EDN1: variants seen among roughly 807,000 people sequenced by gnomAD.
EDN1 encodes the protein endothelin 1.
In EDN1, 11 loss-of-function variants were observed where a neutral mutation model predicts 21.7. The ratio of observed to expected loss-of-function variants is 0.51; its 90% CI spans 0.32 to 0.84. The LOEUF (loss-of-function observed/expected upper bound fraction) is 0.84. Among genes scored for constraint, EDN1 ranks in the 40% least tolerant of loss-of-function variants. The pLI is 0.03. For synonymous variants in EDN1, 85 were observed against 90.6 expected (o/e 0.94, Z 0.35); for missense variants, 244 against 262.3 (o/e 0.93, Z 0.48).
Position 12,292,339 on chromosome 6 carries a change from A to T in EDN1, c.65-2A>T. The T allele has an allele frequency of 6.2e-7, 1 of 1,613,670 alleles. No individual in the cohort carries two copies. Among genetic ancestry groups the T allele is most frequent in the Non-Finnish European group, 8.5e-7 (1 of 1,179,930 alleles). Reference sequence around the variant, plus strand: ...CCACTGACCTGCTCTTTCTCTCCCCAGCAGTCTTAGGCGCTGAGCTCAGCG... The same window carrying T: ...CCACTGACCTGCTCTTTCTCTCCCCTGCAGTCTTAGGCGCTGAGCTCAGCG... On this transcript the variant is annotated splice_acceptor_variant, in intron 1 of 4. Transcript: ENST00000379375. LOFTEE classifies it high-confidence loss of function.
upstream of EDN1, among the ~76,000 whole-genome samples, chr6:12,290,197 T>C (rs1400092156): frequency 6.6e-6 from 1 of 152,222 alleles, no homozygotes; most frequent in Non-Finnish European, 1.5e-5. Flanking sequence ...CCTCTGAAGT[T>C]AGCAGTGATT....
At chr6:12,291,430 G>C (rs1762679542) in intron 1 of EDN1, among the ~76,000 whole-genome samples, 1 of 152,180 alleles carries the variant, frequency 6.6e-6, no homozygotes, top group Non-Finnish European at 1.5e-5. Context: ...GTGTGCATCT[G>C]CCCGGGTCCC....
chr6:12,267,988 G>A, the EDN1 span, among the ~76,000 whole-genome samples: 771 of 152,260 alleles, frequency 5.1e-3, 8 homozygotes, highest in African/African-American at 0.018. Flanking sequence ...CTGGATGACA[G>A]TACATCTATT....
the EDN1 span, among the ~76,000 whole-genome samples, chr6:12,272,538 A>G: frequency 3.4e-5 from 5 of 148,296 alleles, no homozygotes; most frequent in African/African-American, 1.3e-4. Flanking sequence ...GTTCACTGCA[A>G]CCTGCACCTC....
At chr6:12,233,655 C>T in the EDN1 span, among the ~76,000 whole-genome samples, 37,595 of 152,038 alleles carry the variant, frequency 0.25, 5,111 homozygotes, top group Non-Finnish European at 0.31. Context: ...GCCAACTCAC[C>T]AAGACCCAGT....
At chr6:12,281,049 A>G in the EDN1 span, among the ~76,000 whole-genome samples, 2 of 152,230 alleles carry the variant, frequency 1.3e-5, no homozygotes, top group African/African-American at 4.8e-5. Context: ...TCATAGCTCA[A>G]GTCTGGCAAT....
At chr6:12,256,941 C>G in the EDN1 span, among the ~76,000 whole-genome samples, 1 of 152,052 alleles carries the variant, frequency 6.6e-6, no homozygotes, top group Non-Finnish European at 1.5e-5. Flanking sequence ...GTATTAAAGG[C>G]AGAATAGCAC....
chr6:12,296,064 G>A lies in EDN1; in HGVS notation c.636G>A (p.Trp212Ter), dbSNP rs745611684. 5.6e-6 allele frequency: 9 copies of A among 1,613,880 alleles called. No individual in the cohort carries two copies. The highest frequency in any genetic ancestry group is 7.6e-6 in the Non-Finnish European group (9 of 1,179,824). ...ERYVTHNRAHW is the reference protein window; with the variant it reads ...ERYVTHNRAH ...ATGTGACCCACAACCGAGCACATTG[G>A]TGACAGACCTTCGGGGCCTGTCTGA... The change falls in exon 5 of 5, where the codon TGG (tryptophan) becomes TGA (stop). Residue 212 changes from tryptophan (W) to a stop codon, truncating the protein, a stop_gained. Coordinates refer to ENST00000379375, the MANE Select transcript of EDN1 (RefSeq NM_001955.5). LOFTEE classifies it high-confidence loss of function.
chr6:12,283,083 C>G, the EDN1 span, among the ~76,000 whole-genome samples: 2 of 152,198 alleles, frequency 1.3e-5, no homozygotes, highest in Non-Finnish European at 2.9e-5. Flanking sequence ...AGTGCAAAAG[C>G]CAAATCAAAC....
At chr6:12,255,291 AG>A in the EDN1 span, among the ~76,000 whole-genome samples, 1 of 152,242 alleles carries the variant, frequency 6.6e-6, no homozygotes, top group South Asian at 2.1e-4. Context: ...CTGGAATTCA[AG>A]AATAGCTCAA....
chr6:12,287,765 C>T (rs895500948), upstream of EDN1, among the ~76,000 whole-genome samples: 10 of 151,130 alleles, frequency 6.6e-5, no homozygotes, highest in South Asian at 2.1e-4. Flanking sequence ...GGCGCGCGCG[C>T]GCGCGCGCAG....
At chr6:12,284,660 G>GAA in the EDN1 span, among the ~76,000 whole-genome samples, 8 of 137,086 alleles carry the variant, frequency 5.8e-5, no homozygotes, top group Admixed American at 3.6e-4. Context: ...AAGGGAGAAA[G>GAA]AAAAAGAGAG....
At chr6:12,258,095 C>G in the EDN1 span, among the ~76,000 whole-genome samples, 1 of 152,042 alleles carries the variant, frequency 6.6e-6, no homozygotes, top group Non-Finnish European at 1.5e-5. Context: ...AGTATACAGA[C>G]AGTGTATACT....
chr6:12,287,708 TCTCTCACACACACACA>T (rs1253883120), upstream of EDN1, among the ~76,000 whole-genome samples: 1 of 76,148 alleles, frequency 1.3e-5, no homozygotes, highest in Non-Finnish European at 2.9e-5. Context: ...TCTCTCTCTC[TCTCTCACACACACACA>T]CACACACACA....
At chr6:12,277,904 C>G in the EDN1 span, among the ~76,000 whole-genome samples, 1 of 152,178 alleles carries the variant, frequency 6.6e-6, no homozygotes, top group Non-Finnish European at 1.5e-5. Context: ...TCCAGAACCC[C>G]TTTGGGATTA....
At chr6:12,289,434 G>T (rs553089509), upstream of EDN1, among the ~76,000 whole-genome samples, 1 of 152,056 alleles carries the variant, frequency 6.6e-6, no homozygotes, top group African/African-American at 2.4e-5. Context: ...CGGCCCCCAA[G>T]CCAGGTTGCG....
the EDN1 span, among the ~76,000 whole-genome samples, chr6:12,231,585 T>C: frequency 4.6e-5 from 7 of 152,240 alleles, no homozygotes. Context: ...AATATTTCAG[T>C]AGCTTTTTAG....
rs1283150916 is a variant in EDN1 at position 12,296,847 on chromosome 6, T to A, written c.*780T>A. ...CCATAAGAAAAAAAAGATCATTAAA[T>A]CAGGAGATTCCCTGTCCTTGATTTT... On this transcript the variant is annotated 3_prime_UTR_variant, in exon 5 of 5. Coordinates refer to ENST00000379375, the MANE Select transcript of EDN1 (RefSeq NM_001955.5). 1 of 152,232 alleles carries A rather than the reference T, an allele frequency of 6.6e-6. No individual in the cohort carries two copies. Among genetic ancestry groups the A allele is most frequent in the East Asian group, 1.9e-4 (1 of 5,204 alleles). The allele number at this position is 152,232 out of a possible 1,614,324, so 9.4% of individuals were successfully genotyped here. A position where few individuals can be genotyped will look rare whatever the true frequency, so the allele number is the denominator to read the frequency against.
chr6:12,262,983 G>A, the EDN1 span, among the ~76,000 whole-genome samples: 15 of 152,248 alleles, frequency 9.9e-5, no homozygotes, highest in Non-Finnish European at 2.1e-4. Context: ...TGGTGTTGTG[G>A]AAGCTGAGTG....
Sources: gnomAD v4.1 joint callset for allele counts (sites outside exome capture counted in the v4.1 genomes callset) on GRCh38, gnomAD v4.1.1 for gene constraint, MANE v1.5 for transcripts, NCBI Gene and HGNC (gene_info 2026-07-23, HGNC 2026-07-21) for gene names.